The following KRT77 variants were observed in gnomAD, a reference collection of about 807,000 sequenced individuals.
KRT77 encodes the protein keratin, type II cytoskeletal 1b.
KRT77 carries 44 observed loss-of-function variants against 51.5 expected under a neutral mutation model. That is an observed-to-expected ratio of 0.85 (90% CI 0.67 to 1.10). The LOEUF is 1.10. Among genes scored for constraint, KRT77 ranks in the 50% least tolerant of loss-of-function variants. The pLI is 0.00. For missense variants in KRT77, 763 were observed against 743.9 expected (o/e 1.03, Z -0.30); for synonymous variants, 293 against 302.0 (o/e 0.97, Z 0.31).
rs1306006563 is a variant in KRT77 at position 52,703,065 on chromosome 12, G to A, written c.370C>T (p.Leu124Phe). 1.2e-6 allele frequency: 2 copies of A among 1,613,542 alleles called. No homozygotes were observed. Among genetic ancestry groups the A allele is most frequent in the East Asian group, 4.5e-5 (2 of 44,848 alleles). The change falls in exon 1 of 9, where the codon CTT (leucine) becomes TTT (phenylalanine). Residue 124 changes from leucine (L) to phenylalanine (F), a missense_variant. By Grantham distance (22) the Leu-to-Phe change is conservative. Transcript: ENST00000341809. ...GAGFGTSNFG[L>F]GGFGPYCPPG... Reference sequence around the variant, plus strand: ...GGACAATAAGGACCAAAGCCCCCAAGCCCAAAATTGCTAGTCCCAAATCCA... The same window carrying A: ...GGACAATAAGGACCAAAGCCCCCAAACCCAAAATTGCTAGTCCCAAATCCA...
chr12:52,693,345 C>G (rs1941745619), intron 5 of KRT77, among the ~76,000 whole-genome samples: 1 of 150,736 alleles, frequency 6.6e-6, no homozygotes, highest in Non-Finnish European at 1.5e-5. Context: ...TCCCCTCCAT[C>G]TCTGTTTCTG....
chr12:52,696,811 A>T (rs1941799917), intron 2 of KRT77: 1 of 194,416 alleles, frequency 5.1e-6, no homozygotes, highest in Non-Finnish European at 1.1e-5. Context: ...GAAAAAATTT[A>T]ATCTACATTT....
In KRT77 at chr12:52,694,762, C is replaced by T; in HGVS notation, c.944G>A (p.Ser315Asn). The stretch of plus-strand genomic sequence containing the variant: ...CATGGACAGGATGACGTTGGTGTCG[C>T]TGATGTGAGTCTGCACCTGAGACAG... ...TELSQVQTHI[S>N]DTNVILSMDN... Residue 315 changes from serine to asparagine, a missense_variant, in exon 5 of 9, where the codon AGC (serine) becomes AAC (asparagine). Transcript: ENST00000341809. The T allele has an allele frequency of 6.2e-7, 1 of 1,610,956 alleles. No individual in the cohort carries two copies. Among genetic ancestry groups the T allele is most frequent in the South Asian group, 1.1e-5 (1 of 90,744 alleles).
chr12:52,700,093 T>C (rs1396062119), intron 1 of KRT77, among the ~76,000 whole-genome samples: 1 of 152,192 alleles, frequency 6.6e-6, no homozygotes, highest in African/African-American at 2.4e-5. Context: ...CCCCTTGTCA[T>C]TGGTTCTAGA....
chr12:52,694,610 T>C lies in KRT77; in HGVS notation c.1080+16A>G. 6.3e-7 allele frequency: 1 copy of C among 1,582,564 alleles called. No individual in the cohort carries two copies. Among genetic ancestry groups the C allele is most frequent in the East Asian group, 2.3e-5 (1 of 43,886 alleles). ...AATCTGTTTTTCTGGGCACCAGATCTGGGGGCCACGCCCACCTTGGTCTGG... is the reference window on the plus strand; with the variant it reads ...AATCTGTTTTTCTGGGCACCAGATCCGGGGGCCACGCCCACCTTGGTCTGG... On this transcript the variant is annotated intron_variant, in intron 5 of 8. Transcript: ENST00000341809.
rs757402584 is a variant in KRT77 at position 52,692,818 on chromosome 12, C to T, written c.1143G>A (p.Glu381=). The T allele has an allele frequency of 3.7e-6, 6 of 1,604,206 alleles. No homozygotes were observed. The South Asian group carries it at 6.6e-5, about 18-fold the overall frequency. Residue 381 remains glutamate (E), a synonymous_variant, in exon 6 of 9, where the codon GAG becomes GAA. Coordinates refer to ENST00000341809, the MANE Select transcript of KRT77 (RefSeq NM_175078.3). ...GGACGGTGCGGTTGAGCTCTGCAAT[C>T]TCCATCTTGCTGTTCTTCAGGTCGT... ...HGDDLKNSKM[E]IAELNRTVQR...
chr12:52,692,318 C>G (rs1941723280), intron 7 of KRT77, 103 bp downstream of exon 7: 1 of 1,331,292 alleles, frequency 7.5e-7, no homozygotes, highest in Non-Finnish European at 1.0e-6. Flanking sequence ...GGCTACCAAT[C>G]TTCCCAAAAA....
chr12:52,693,172 C>T (rs1941742900), intron 5 of KRT77, among the ~76,000 whole-genome samples: 1 of 150,732 alleles, frequency 6.6e-6, no homozygotes, highest in Admixed American at 6.6e-5. Context: ...ACCACCTTTT[C>T]ACACATCTAA....
At position 52,691,077 on chromosome 12, in the gene KRT77, T is replaced by C; in HGVS notation, c.*88A>G. On this transcript the variant is annotated 3_prime_UTR_variant, in exon 9 of 9. Transcript: ENST00000341809. ...GCTGAGACCCATTAAGAAAAGTGAA[T>C]GAGAGGGGATCAGGAAGGGCGTGGA... The C allele has an allele frequency of 6.3e-7, 1 of 1,582,176 alleles. No homozygotes were observed. Among genetic ancestry groups the C allele is most frequent in the Admixed American group, 1.7e-5 (1 of 58,458 alleles).
At chr12:52,698,491 A>G (rs559939498) in intron 1 of KRT77, among the ~76,000 whole-genome samples, 23 of 152,268 alleles carry the variant, frequency 1.5e-4, no homozygotes, top group Admixed American at 5.9e-4. Flanking sequence ...TCATTTTTTA[A>G]AAGTCTAATG....
At chr12:52,693,895 G>C (rs1449119425) in intron 5 of KRT77, among the ~76,000 whole-genome samples, 1 of 136,458 alleles carries the variant, frequency 7.3e-6, no homozygotes, top group Admixed American at 7.3e-5. Flanking sequence ...AAATTAGCTT[G>C]GTGTAGTGGC....
chr12:52,693,525 G>A (rs7976238), intron 5 of KRT77: 58,333 of 150,286 alleles, frequency 0.39, 13,213 homozygotes, highest in South Asian at 0.44. Flanking sequence ...GTGCAGGACC[G>A]TGGGACAGAG....
chr12:52,698,054 C>T, intron 1 of KRT77, 158 bp from the exon 2 acceptor site: 1 of 1,440,704 alleles, frequency 6.9e-7, no homozygotes. Flanking sequence ...TTGAGACACA[C>T]AGAGGGCAAT....
chr12:52,694,741 G>A lies in KRT77; in HGVS notation c.965C>T (p.Ser322Phe), dbSNP rs585664. The change falls in exon 5 of 9, where the codon TCC (serine) becomes TTC (phenylalanine). Residue 322 changes from serine (S) to phenylalanine (F), a missense_variant. Coordinates refer to ENST00000341809, the MANE Select transcript of KRT77 (RefSeq NM_175078.3). ...GTCCAGGGAACGGTTATTGTCCATGGACAGGATGACGTTGGTGTCGCTGAT... is the reference window on the plus strand; with the variant it reads ...GTCCAGGGAACGGTTATTGTCCATGAACAGGATGACGTTGGTGTCGCTGAT... ...THISDTNVIL[S>F]MDNNRSLDLD... The A allele has an allele frequency of 0.038, 61,859 of 1,612,824 alleles. 1,407 individuals carry two copies. The highest frequency in any genetic ancestry group is 0.069 in the South Asian group (6,253 of 90,938).
At position 52,703,255 on chromosome 12, in the gene KRT77, GCT is replaced by G. The variant is rs1565655983; in HGVS notation, c.178_179del (p.Ser60ProfsTer8). 6.2e-7 allele frequency: 1 copy of G among 1,613,622 alleles called. No homozygotes were observed. Among genetic ancestry groups the G allele is most frequent in the Non-Finnish European group, 8.5e-7 (1 of 1,179,962 alleles). On this transcript the variant is annotated frameshift_variant, in exon 1 of 9. Coordinates refer to ENST00000341809, the MANE Select transcript of KRT77 (RefSeq NM_175078.3). LOFTEE classifies it high-confidence loss of function. Reference protein sequence around the residue: ...GIHGRGFGSRSLYNLGGSRSI... With the variant: ...GIHGRGFGSRXLYNLGGSRSI... ...TTCTACTGCCACCCAGATTGTAGAG[GCT>G]CCTAGAGCCAAACCCCCTTCCATGG... is the stretch of plus-strand genomic sequence containing the variant.
intron 3 of KRT77, 90 bp from the exon 4 acceptor site, chr12:52,695,957 C>G: frequency 1.2e-6 from 1 of 815,292 alleles, no homozygotes; most frequent in East Asian, 2.4e-5. Flanking sequence ...GGCAGAGCCA[C>G]TCTAGGTTTA....
intron 1 of KRT77, among the ~76,000 whole-genome samples, chr12:52,698,709 AG>A (rs1941838099): frequency 6.6e-6 from 1 of 152,216 alleles, no homozygotes; most frequent in African/African-American, 2.4e-5. Flanking sequence ...GGTAATGACC[AG>A]CCTCCACCTT....
chr12:52,691,123 G>A lies in KRT77; in HGVS notation c.*42C>T. 6.2e-7 allele frequency: 1 copy of A among 1,613,364 alleles called. No homozygotes were observed. Among genetic ancestry groups the A allele is most frequent in the Non-Finnish European group, 8.5e-7 (1 of 1,179,614 alleles). On this transcript the variant is annotated 3_prime_UTR_variant, in exon 9 of 9. Coordinates refer to ENST00000341809, the MANE Select transcript of KRT77 (RefSeq NM_175078.3). The stretch of plus-strand genomic sequence containing the variant: ...GTGGAGGGGAGGAGTTTGAGGAGAG[G>A]GCGGTGAGGGGCAGGCGTGATGTGT...
At chr12:52,699,743 C>T (rs1226984973) in intron 1 of KRT77, among the ~76,000 whole-genome samples, 3 of 152,190 alleles carry the variant, frequency 2.0e-5, no homozygotes, top group Non-Finnish European at 4.4e-5. Context: ...CTTTGCAGCC[C>T]CTTGTTCCTT....
Sources: gnomAD v4.1 joint callset for allele counts (sites outside exome capture counted in the v4.1 genomes callset) on GRCh38, gnomAD v4.1.1 for gene constraint, MANE v1.5 for transcripts, NCBI Gene and HGNC (gene_info 2026-07-23, HGNC 2026-07-21) for gene names.